Variants in CDH18 observed in about 807,000 individuals in gnomAD.
CDH18 encodes cadherin 18, also known as cadherin-18.
CDH18 carries 31 observed loss-of-function variants against 67.9 expected under a neutral mutation model. The observed-to-expected ratio is 0.46, with a 90% confidence interval of 0.34 to 0.62. The LOEUF (loss-of-function observed/expected upper bound fraction) is 0.62, where lower values mean the gene tolerates loss of function less well. Among genes scored for constraint, CDH18 ranks in the 20% least tolerant of loss-of-function variants. CDH18 has a pLI of 0.01. For missense variants in CDH18, 890 were observed against 975.5 expected, an observed-to-expected ratio of 0.91 and a Z score of 1.17; for synonymous variants, 362 against 347.2, an observed-to-expected ratio of 1.04 and a Z score of -0.48.
chr5:19,798,323 A>G (rs1176737180), intron 3 of CDH18, among the ~76,000 whole-genome samples: 2 of 152,020 alleles, frequency 1.3e-5, no homozygotes, highest in Non-Finnish European at 2.9e-5. Flanking sequence ...TATTGGGAAA[A>G]TTTGCAAAGG....
chr5:20,146,903 T>C (rs990339184), intron 2 of CDH18, among the ~76,000 whole-genome samples: 5 of 152,050 alleles, frequency 3.3e-5, no homozygotes, highest in Non-Finnish European at 7.4e-5. Context: ...TTAGGCATTA[T>C]TTACCATTTA....
chr5:20,552,120 G>A (rs532722485), intron 1 of CDH18, among the ~76,000 whole-genome samples: 10 of 151,900 alleles, frequency 6.6e-5, no homozygotes, highest in African/African-American at 2.2e-4. Context: ...AGCAAAATGT[G>A]AAAAATATAT....
At chr5:20,373,323 GT>G (rs1236327178) in intron 1 of CDH18, among the ~76,000 whole-genome samples, 9 of 152,084 alleles carry the variant, frequency 5.9e-5, no homozygotes, top group Admixed American at 3.3e-4. Context: ...AGATGCTTCA[GT>G]TTCCTTTCTA....
intron 1 of CDH18, among the ~76,000 whole-genome samples, chr5:20,277,195 G>A (rs1561932856): frequency 1.3e-5 from 2 of 152,140 alleles, no homozygotes; most frequent in Admixed American, 1.3e-4. Context: ...CAGGCCTTCG[G>A]TGAGAACCAG....
At chr5:20,370,628 C>T (rs1742904326) in intron 1 of CDH18, among the ~76,000 whole-genome samples, 1 of 152,156 alleles carries the variant, frequency 6.6e-6, no homozygotes, top group South Asian at 2.1e-4. Context: ...TAAGCCATTG[C>T]TATGACAGAT....
chr5:19,844,108 A>G (rs1782653478), intron 2 of CDH18, among the ~76,000 whole-genome samples: 1 of 152,194 alleles, frequency 6.6e-6, no homozygotes, highest in Non-Finnish European at 1.5e-5. Context: ...ATTTGAGTTA[A>G]TTCTGGGAAG....
chr5:19,529,526 A>G (rs544995097), intron 9 of CDH18, among the ~76,000 whole-genome samples: 16 of 152,022 alleles, frequency 1.1e-4, no homozygotes, highest in Non-Finnish European at 1.6e-4. Context: ...AAAATAAACA[A>G]ATTTATTATC....
intron 2 of CDH18, among the ~76,000 whole-genome samples, chr5:20,050,023 A>G (rs1231399999): frequency 6.6e-6 from 1 of 151,864 alleles, no homozygotes; most frequent in African/African-American, 2.4e-5. Context: ...AGTATGAGCC[A>G]CATTCTCACC....
chr5:20,033,424 G>T (rs1739572640), intron 2 of CDH18, among the ~76,000 whole-genome samples: 1 of 151,972 alleles, frequency 6.6e-6, no homozygotes, highest in African/African-American at 2.4e-5. Flanking sequence ...AGTTTTGCAA[G>T]TATCACACAA....
chr5:20,521,398 T>C (rs1043837509), intron 1 of CDH18, among the ~76,000 whole-genome samples: 2 of 152,120 alleles, frequency 1.3e-5, no homozygotes, highest in Non-Finnish European at 2.9e-5. Context: ...TGAATAAGTA[T>C]TTTTTGTTGA....
At chr5:20,507,948 G>A (rs1416011097) in intron 1 of CDH18, among the ~76,000 whole-genome samples, 3 of 151,948 alleles carry the variant, frequency 2.0e-5, no homozygotes. Context: ...AAACAGTATA[G>A]CCTCACTATT....
intron 1 of CDH18, among the ~76,000 whole-genome samples, chr5:20,391,849 G>A (rs1744889534): frequency 6.6e-6 from 1 of 151,910 alleles, no homozygotes; most frequent in African/African-American, 2.4e-5. Flanking sequence ...TGAATAAGAA[G>A]TGGTATAATT....
At chr5:20,096,573 A>G (rs939102429) in intron 2 of CDH18, among the ~76,000 whole-genome samples, 2 of 152,158 alleles carry the variant, frequency 1.3e-5, no homozygotes, top group Non-Finnish European at 2.9e-5. Flanking sequence ...AGGAATTAAA[A>G]GGCATGACAG....
chr5:20,195,760 T>C (rs1398349985), intron 2 of CDH18, among the ~76,000 whole-genome samples: 2 of 152,240 alleles, frequency 1.3e-5, no homozygotes, highest in Non-Finnish European at 2.9e-5. Flanking sequence ...ACAAGTTAAA[T>C]AGAATATATT....
intron 2 of CDH18, among the ~76,000 whole-genome samples, chr5:20,011,648 A>G (rs1737447865): frequency 6.6e-6 from 1 of 152,070 alleles, no homozygotes; most frequent in African/African-American, 2.4e-5. Flanking sequence ...TAGCTTATTG[A>G]GAGTTTTTAA....
chr5:19,861,929 T>A (rs1172302520), intron 2 of CDH18, among the ~76,000 whole-genome samples: 1 of 152,158 alleles, frequency 6.6e-6, no homozygotes, highest in East Asian at 1.9e-4. Context: ...AACTAAGGGT[T>A]CAGAAACAGT....
intron 2 of CDH18, among the ~76,000 whole-genome samples, chr5:20,202,511 T>C (rs909737994): frequency 1.3e-5 from 2 of 152,098 alleles, no homozygotes; most frequent in Non-Finnish European, 2.9e-5. Flanking sequence ...TTTTTTGATA[T>C]TGTACTGGTG....
At chr5:20,051,256 C>T (rs963626427) in intron 2 of CDH18, among the ~76,000 whole-genome samples, 16 of 151,910 alleles carry the variant, frequency 1.1e-4, no homozygotes, top group African/African-American at 3.9e-4. Context: ...AATATCCACA[C>T]ATTCATTTAT....
chr5:19,760,057 G>A (rs1000077462), intron 3 of CDH18, among the ~76,000 whole-genome samples: 7 of 152,190 alleles, frequency 4.6e-5, no homozygotes, highest in East Asian at 1.9e-4. Flanking sequence ...AGAGCTCTAC[G>A]CGAGTCACAC....
Sources: gnomAD v4.1 joint callset for allele counts (sites outside exome capture counted in the v4.1 genomes callset) on GRCh38, gnomAD v4.1.1 for gene constraint, MANE v1.5 for transcripts, NCBI Gene and HGNC (gene_info 2026-07-23, HGNC 2026-07-21) for gene names.